Variants in GPA33 observed in about 807,000 individuals in gnomAD.
The protein encoded by GPA33 is glycoprotein A33.
In GPA33, 27 loss-of-function variants were observed where a neutral mutation model predicts 35.6. The observed-to-expected ratio is 0.76, with a 90% CI of 0.56 to 1.04. The LOEUF is 1.04. GPA33 is among the 50% of genes least tolerant of loss of function. The probability of loss-of-function intolerance (pLI) is 0.00; values close to 1 mark genes in which losing one functional copy is unlikely to be tolerated. For synonymous variants in GPA33, 176 were observed against 164.0 expected (o/e 1.07, Z -0.56); for missense variants, 428 against 411.9 (o/e 1.04, Z -0.34).
chr1:167,083,476 G>A (rs1364162038), intron 1 of GPA33, among the ~76,000 whole-genome samples: 1 of 152,208 alleles, frequency 6.6e-6, no homozygotes, highest in African/African-American at 2.4e-5. Flanking sequence ...CGGCTGCTGG[G>A]TGCCTGTGTC....
chr1:167,057,160 T>C (rs1666325734), intron 4 of GPA33, among the ~76,000 whole-genome samples: 1 of 151,984 alleles, frequency 6.6e-6, no homozygotes, highest in Non-Finnish European at 1.5e-5. Context: ...TTCTTTGAGC[T>C]GTAGGCTTCC....
intron 1 of GPA33, among the ~76,000 whole-genome samples, chr1:167,087,584 G>GT (rs1037897998): frequency 2.2e-4 from 33 of 151,992 alleles, no homozygotes; most frequent in African/African-American, 6.3e-4. Context: ...ATGGAGGTCT[G>GT]TTTTGTCACT....
At chr1:167,078,317 C>G (rs952577180) in intron 1 of GPA33, among the ~76,000 whole-genome samples, 1 of 152,232 alleles carries the variant, frequency 6.6e-6, no homozygotes, top group South Asian at 2.1e-4. Context: ...TAGCTTCACA[C>G]ATACACTTAG....
chr1:167,082,123 A>G (rs896916476), intron 1 of GPA33: 1 of 394,334 alleles, frequency 2.5e-6, no homozygotes, highest in African/African-American at 2.1e-5. Flanking sequence ...ATATAAGGGA[A>G]TAAAGCAGGA....
At position 167,073,495 on chromosome 1, in the gene GPA33, C is replaced by A. The variant is rs749764347; in HGVS notation, c.88G>T (p.Val30Phe). The A allele has an allele frequency of 5.6e-6, 9 of 1,613,574 alleles. No homozygotes were observed. The highest frequency in any genetic ancestry group is 4.0e-5 in the African/African-American group (3 of 75,024). ...DAISVETPQD[V>F]LRASQGKSVT... The stretch of plus-strand genomic sequence containing the variant: ...CTCTTTCCCTGCGAAGCCCGAAGAA[C>A]GTCCTGCGGAGTTTCCACAGAGATG... Residue 30 changes from valine (V) to phenylalanine (F), a missense_variant, in exon 2 of 7, where the codon GTT (valine) becomes TTT (phenylalanine). Coordinates refer to ENST00000367868, the MANE Select transcript of GPA33 (RefSeq NM_005814.3).
At chr1:167,088,948 T>C (rs1043555806) in intron 1 of GPA33, among the ~76,000 whole-genome samples, 6 of 152,190 alleles carry the variant, frequency 3.9e-5, no homozygotes, top group Admixed American at 6.5e-5. Context: ...GGCCCACTTA[T>C]GACTAATCAT....
chr1:167,084,104 G>A (rs1223097158), intron 1 of GPA33, among the ~76,000 whole-genome samples: 4 of 152,278 alleles, frequency 2.6e-5, no homozygotes, highest in Admixed American at 6.5e-5. Flanking sequence ...CCATGACAAC[G>A]ATTTGAGTCT....
intron 4 of GPA33, 34 bp downstream of exon 4, chr1:167,063,548 C>G (rs539164220): frequency 6.4e-7 from 1 of 1,571,276 alleles, no homozygotes; most frequent in Non-Finnish European, 8.7e-7. Flanking sequence ...TGCACTTTGA[C>G]GTGGGGAGCC....
intron 4 of GPA33, among the ~76,000 whole-genome samples, chr1:167,062,016 G>A (rs1274175110): frequency 3.3e-5 from 5 of 151,824 alleles, no homozygotes; most frequent in Non-Finnish European, 7.4e-5. Flanking sequence ...CCCCACCCCC[G>A]GGGCACCTCA....
At chr1:167,079,786 G>A (rs1003214127) in intron 1 of GPA33, among the ~76,000 whole-genome samples, 2 of 152,222 alleles carry the variant, frequency 1.3e-5, no homozygotes, top group East Asian at 1.9e-4. Flanking sequence ...TTAATAATTC[G>A]CCATTGTAGC....
chr1:167,089,365 C>A (rs759803039), intron 1 of GPA33, among the ~76,000 whole-genome samples: 6 of 152,278 alleles, frequency 3.9e-5, no homozygotes, highest in Admixed American at 6.5e-5. Flanking sequence ...TTCTCCTCCC[C>A]GTTGCAGCTG....
intron 4 of GPA33, among the ~76,000 whole-genome samples, chr1:167,056,687 G>A (rs1344282783): frequency 0.11 from 312 of 2,888 alleles, no homozygotes; most frequent in East Asian, 0.11. Context: ...TGTCTGGTGT[G>A]TGGTGGGTGT....
At chr1:167,090,218 C>A (rs1382247742) in intron 1 of GPA33, 27 bp downstream of exon 1, 5 of 1,573,766 alleles carry the variant, frequency 3.2e-6, no homozygotes, top group Non-Finnish European at 4.4e-6. Flanking sequence ...CACCCCTGGG[C>A]ACTGGAGAGA....
chr1:167,069,469 C>G (rs1182077823), intron 2 of GPA33, among the ~76,000 whole-genome samples: 1 of 152,202 alleles, frequency 6.6e-6, no homozygotes, highest in African/African-American at 2.4e-5. Flanking sequence ...TCCATTTTCT[C>G]CATAGCCTAT....
chr1:167,085,795 T>C (rs1468356066), intron 1 of GPA33, among the ~76,000 whole-genome samples: 1 of 152,232 alleles, frequency 6.6e-6, no homozygotes, highest in Non-Finnish European at 1.5e-5. Context: ...ATGCAGTGTA[T>C]TAGAGGCAAC....
chr1:167,084,024 C>G (rs1340487094), intron 1 of GPA33, among the ~76,000 whole-genome samples: 1 of 152,176 alleles, frequency 6.6e-6, no homozygotes, highest in Non-Finnish European at 1.5e-5. Context: ...GATCCTCTTA[C>G]AAGCAACTCA....
chr1:167,078,136 CCACAT>C (rs1666860465), intron 1 of GPA33, among the ~76,000 whole-genome samples: 1 of 152,192 alleles, frequency 6.6e-6, no homozygotes, highest in South Asian at 2.1e-4. Flanking sequence ...TGTTCCTTGA[CCACAT>C]CACACCCCTC....
chr1:167,068,064 A>G (rs1017614277), intron 3 of GPA33, among the ~76,000 whole-genome samples: 1 of 152,104 alleles, frequency 6.6e-6, no homozygotes, highest in African/African-American at 2.4e-5. Flanking sequence ...TGCAATAAAA[A>G]TATCTTAATT....
In GPA33 at chr1:167,069,082, A is replaced by G. The variant is rs1231615806; in HGVS notation, c.255T>C (p.Tyr85=). The change falls in exon 3 of 7, where the codon TAT becomes TAC. Residue 85 remains tyrosine, a synonymous_variant. Coordinates refer to ENST00000367868, the MANE Select transcript of GPA33 (RefSeq NM_005814.3). Reference sequence around the variant, plus strand: ...TGTTGGATATGCTGACGCGATTCTTATAAAGCTCACCATGGATGTAGTTTT... The same window carrying G: ...TGTTGGATATGCTGACGCGATTCTTGTAAAGCTCACCATGGATGTAGTTTT... ...SNKNYIHGEL[Y]KNRVSISNNA... The G allele has an allele frequency of 6.2e-7, 1 of 1,614,080 alleles. No homozygotes were observed. The highest frequency in any genetic ancestry group is 1.1e-5 in the South Asian group (1 of 91,086).
Sources: gnomAD v4.1 joint callset for allele counts (sites outside exome capture counted in the v4.1 genomes callset) on GRCh38, gnomAD v4.1.1 for gene constraint, MANE v1.5 for transcripts, NCBI Gene and HGNC (gene_info 2026-07-23, HGNC 2026-07-21) for gene names.